TMEM204: variants seen among roughly 807,000 people sequenced by gnomAD.
The protein encoded by TMEM204 is transmembrane protein 204, also known as claudin-like protein 24.
TMEM204 carries 15 observed loss-of-function variants against 19.4 expected under a neutral mutation model. The ratio of observed to expected loss-of-function variants is 0.77; its 90% CI spans 0.52 to 1.19. TMEM204 has a LOEUF of 1.19. Ranked by LOEUF, TMEM204 falls within the 50% of genes most tolerant of loss-of-function variation. The probability of loss-of-function intolerance (pLI) is 0.00; values close to 1 mark genes in which losing one functional copy is unlikely to be tolerated. For missense variants in TMEM204, 287 were observed against 321.2 expected (o/e 0.89, Z 0.81); for synonymous variants, 161 against 146.0 (o/e 1.10, Z -0.74).
At chr16:1,541,413 C>T (rs1406162664) in intron 1 of TMEM204, 1 of 985,308 alleles carries the variant, frequency 1.0e-6, no homozygotes, top group African/African-American at 1.7e-5. Flanking sequence ...GAGGGAACAC[C>T]ACCATGAGCC....
intron 2 of TMEM204, among the ~76,000 whole-genome samples, chr16:1,550,481 A>G (rs1337996453): frequency 6.6e-6 from 1 of 152,234 alleles, no homozygotes; most frequent in East Asian, 1.9e-4. Flanking sequence ...TAACAATAAA[A>G]CAACAGTTCA....
intron 2 of TMEM204, among the ~76,000 whole-genome samples, chr16:1,543,481 G>C (rs2031851249): frequency 6.6e-6 from 1 of 152,218 alleles, no homozygotes; most frequent in African/African-American, 2.4e-5. Flanking sequence ...GGGAAGGGAG[G>C]GGCCTCGAGG....
intron 1 of TMEM204, among the ~76,000 whole-genome samples, chr16:1,535,439 ACTCGCAGACACCCCAAGTCT>A (rs1232023801): frequency 1.1e-4 from 16 of 152,196 alleles, no homozygotes; most frequent in African/African-American, 3.6e-4. Context: ...CAAGGTTTTG[ACTCGCAGACACCCCAAGTCT>A]CTGCTGCAGA....
Position 1,534,141 on chromosome 16 carries a change from G to C in TMEM204, c.-135G>C. On this transcript the variant is annotated 5_prime_UTR_variant, in exon 1 of 3. Coordinates refer to ENST00000566264, the MANE Select transcript of TMEM204 (RefSeq NM_024600.6). ...GCGGCACACCTGGACCATCCCATGG[G>C]CCTCCGCCCGCGCCGCCCCGAGGAT... 1 of 1,146,788 alleles carries C rather than the reference G, an allele frequency of 8.7e-7. No homozygotes were observed. The highest frequency in any genetic ancestry group is 1.6e-5 in the South Asian group (1 of 62,700). The allele number at this position is 1,146,788 out of a possible 1,614,324, so 71.0% of individuals were successfully genotyped here. A position where few individuals can be genotyped will look rare whatever the true frequency, so the allele number is the denominator to read the frequency against.
intron 2 of TMEM204, among the ~76,000 whole-genome samples, chr16:1,550,768 G>A (rs535127253): frequency 1.3e-5 from 2 of 152,346 alleles, no homozygotes; most frequent in South Asian, 2.1e-4. Context: ...ACCCTCTGGG[G>A]ACACAGAGAT....
chr16:1,549,096 C>T (rs1380467006), intron 2 of TMEM204, among the ~76,000 whole-genome samples: 1 of 152,138 alleles, frequency 6.6e-6, no homozygotes, highest in African/African-American at 2.4e-5. Context: ...CCTAGGGCCG[C>T]GCAGGTTCAT....
chr16:1,554,799 G>C lies in TMEM204; in HGVS notation c.454G>C (p.Gly152Arg), dbSNP rs2032954963. The C allele has an allele frequency of 6.2e-7, 1 of 1,614,150 alleles. No individual in the cohort carries two copies. The highest frequency in any genetic ancestry group is 8.5e-7 in the Non-Finnish European group (1 of 1,180,034). Residue 152 changes from glycine to arginine, a missense_variant, in exon 3 of 3, where the codon GGG becomes CGG. Transcript: ENST00000566264. ...ATCTGCAGGTTTTGTCCTGGTCATCGGGCTCGTGACTTTCTACAGAATTGG... is the reference window on the plus strand; with the variant it reads ...ATCTGCAGGTTTTGTCCTGGTCATCCGGCTCGTGACTTTCTACAGAATTGG... Reference protein sequence around the residue: ...FQLASFVLVIGLVTFYRIGPY... With the variant: ...FQLASFVLVIRLVTFYRIGPY...
intron 2 of TMEM204, among the ~76,000 whole-genome samples, chr16:1,545,216 G>C (rs371116025): frequency 5.3e-5 from 8 of 152,272 alleles, no homozygotes. Flanking sequence ...TGGCGGGGGC[G>C]GGACTGTGCT....
intron 1 of TMEM204, among the ~76,000 whole-genome samples, chr16:1,538,708 C>T (rs557716781): frequency 4.2e-4 from 64 of 152,312 alleles, no homozygotes; most frequent in Admixed American, 1.6e-3. Context: ...GGCACAGCAC[C>T]GTGCCACAGA....
intron 2 of TMEM204, among the ~76,000 whole-genome samples, chr16:1,548,799 A>G (rs1298899500): frequency 6.6e-6 from 1 of 152,222 alleles, no homozygotes; most frequent in Non-Finnish European, 1.5e-5. Flanking sequence ...CAGCTGACTC[A>G]GTCACCTTCT....
In TMEM204 at chr16:1,553,545, G is replaced by C; in HGVS notation, c.437-1237G>C. ...ACATGGACAAGTCCTCTATGGACAA[G>C]AGGGGCTGGAGAGTTTAATCTGGAC... On this transcript the variant is annotated intron_variant, in intron 2 of 2. Transcript: ENST00000566264. The surrounding 1 kb of genome is among the most constrained non-coding windows in gnomAD (Gnocchi z 4.4). The C allele has an allele frequency of 1.0e-6, 1 of 998,282 alleles. No homozygotes were observed. The highest frequency in any genetic ancestry group is 1.2e-6 in the Non-Finnish European group (1 of 836,802). 61.8% of individuals were successfully genotyped at this position (998,282 alleles called of 1,614,324 possible).
At chr16:1,541,841 C>A in intron 1 of TMEM204, 80 bp from the exon 2 acceptor site, 1 of 1,468,752 alleles carries the variant, frequency 6.8e-7, no homozygotes, top group Non-Finnish European at 9.0e-7. Context: ...CAAACAGAGA[C>A]CACGAAAGTG....
intron 1 of TMEM204, among the ~76,000 whole-genome samples, chr16:1,537,332 T>G (rs1204132438): frequency 6.6e-6 from 1 of 152,242 alleles, no homozygotes; most frequent in Non-Finnish European, 1.5e-5. Context: ...GACGGCTCTG[T>G]GCCCTGAGGC....
At chr16:1,547,117 A>G (rs1466882132) in intron 2 of TMEM204, among the ~76,000 whole-genome samples, 1 of 152,154 alleles carries the variant, frequency 6.6e-6, no homozygotes, top group East Asian at 1.9e-4. Flanking sequence ...CTTCCTTGAA[A>G]CAGTCCCTCT....
intron 2 of TMEM204, among the ~76,000 whole-genome samples, chr16:1,545,515 T>C (rs1294760530): frequency 2.7e-5 from 4 of 146,222 alleles, no homozygotes; most frequent in Non-Finnish European, 4.4e-5. Context: ...TAGAGTCGGG[T>C]TTTTTTTCCT....
chr16:1,534,543 G>C lies in TMEM204; in HGVS notation c.268G>C (p.Gly90Arg). The C allele has an allele frequency of 6.2e-7, 1 of 1,604,060 alleles. No individual in the cohort carries two copies. The highest frequency in any genetic ancestry group is 8.5e-7 in the Non-Finnish European group (1 of 1,179,874). ...SEAAGFQESRGTVKLQFDMMR... is the reference protein window; with the variant it reads ...SEAAGFQESRRTVKLQFDMMR... ...GGCAGCCGGCTTCCAGGAGTCCCGA[G>C]GCACCGTCAAACGTAAGTCCAATTG... Residue 90 changes from glycine (G) to arginine (R), a missense_variant, in exon 1 of 3, where the codon GGC becomes CGC. Physicochemically the swap from Gly to Arg is moderately radical, Grantham distance 125 (BLOSUM62 -2). Coordinates refer to ENST00000566264, the MANE Select transcript of TMEM204 (RefSeq NM_024600.6).
intron 1 of TMEM204, among the ~76,000 whole-genome samples, chr16:1,539,604 G>A (rs1393303064): frequency 2.0e-5 from 3 of 152,260 alleles, no homozygotes; most frequent in Non-Finnish European, 4.4e-5. Context: ...AGAACCTCGC[G>A]GGAGCGCTAT....
intron 2 of TMEM204, among the ~76,000 whole-genome samples, chr16:1,549,497 C>A (rs996550550): frequency 2.0e-5 from 3 of 152,222 alleles, no homozygotes; most frequent in Admixed American, 1.3e-4. Flanking sequence ...CGTGCAATCT[C>A]GGCTCACCGC....
intron 2 of TMEM204, among the ~76,000 whole-genome samples, chr16:1,545,243 C>G (rs1008681678): frequency 1.3e-5 from 2 of 152,054 alleles, no homozygotes; most frequent in African/African-American, 2.4e-5. Flanking sequence ...CGACCTCTGA[C>G]AAGGTTGGAC....
Sources: gnomAD v4.1 joint callset for allele counts (sites outside exome capture counted in the v4.1 genomes callset) on GRCh38, gnomAD v4.1.1 for gene constraint, Gnocchi (gnomAD v3.1) non-coding constraint, MANE v1.5 for transcripts, NCBI Gene and HGNC (gene_info 2026-07-23, HGNC 2026-07-21) for gene names.